Variants in PDE9A observed in about 807,000 individuals in gnomAD.
PDE9A encodes the protein phosphodiesterase 9A.
Under a neutral mutation model 87.4 loss-of-function variants are expected in PDE9A, and 60 were observed. The ratio of observed to expected loss-of-function variants is 0.69; its 90% confidence interval spans 0.56 to 0.85. PDE9A has a LOEUF of 0.85. PDE9A is among the 40% of genes least tolerant of loss of function. The probability of loss-of-function intolerance (pLI) is 0.00; values close to 1 mark genes in which losing one functional copy is unlikely to be tolerated. For missense variants in PDE9A, 665 were observed against 779.0 expected (o/e 0.85, Z 1.74); for synonymous variants, 272 against 279.4 (o/e 0.97, Z 0.27).
At chr21:42,671,210 T>A (rs150179318) in intron 1 of PDE9A, among the ~76,000 whole-genome samples, 4 of 152,234 alleles carry the variant, frequency 2.6e-5, no homozygotes, top group African/African-American at 9.6e-5. Flanking sequence ...GGGACAGGTG[T>A]TGAAGCTGTG....
rs775598444 is a variant in PDE9A, at chr21:42,660,175, G to A, written c.69+6292G>A. ...GGTGACCCAGCAAGCCGCACTCCTG[G>A]GAAATTTCAGAAGGTTTTGGGCAAG... On this transcript the variant is annotated intron_variant, in intron 1 of 19. Transcript: ENST00000291539. This position sits in a 1 kb window ranked among gnomAD's most constrained non-coding sequence, Gnocchi z 4.7. Among the ~76,000 whole-genome samples, 19 of 152,156 alleles carry A rather than the reference G, an allele frequency of 1.2e-4. No homozygotes were observed. The highest frequency in any genetic ancestry group is 2.6e-4 in the Non-Finnish European group (18 of 68,028).
At chr21:42,743,974 C>A in intron 8 of PDE9A, 114 bp downstream of exon 8, 1 of 693,662 alleles carries the variant, frequency 1.4e-6, no homozygotes, top group Non-Finnish European at 2.6e-6. Flanking sequence ...CAGTTCGGTA[C>A]AGTTCAGGCT....
intron 4 of PDE9A, among the ~76,000 whole-genome samples, chr21:42,703,067 G>A (rs1006894537): frequency 1.3e-5 from 2 of 152,222 alleles, no homozygotes; most frequent in African/African-American, 4.8e-5. Context: ...GAGGTGATGA[G>A]GAGCGCAGGT....
chr21:42,774,764 C>A (rs2057352626), intron 19 of PDE9A, among the ~76,000 whole-genome samples: 4 of 151,132 alleles, frequency 2.6e-5, no homozygotes, highest in Admixed American at 2.6e-4. Context: ...CACCTGTAAT[C>A]CCAGCTACTT....
At chr21:42,729,620 C>G (rs1427251992) in intron 4 of PDE9A, among the ~76,000 whole-genome samples, 1 of 152,144 alleles carries the variant, frequency 6.6e-6, no homozygotes, top group African/African-American at 2.4e-5. Context: ...TTCCTCTCTT[C>G]AAATGAAAGC....
At position 42,775,410 on chromosome 21, in the gene PDE9A, C is replaced by T; in HGVS notation, c.*117C>T. 1 of 738,744 alleles carries T rather than the reference C, an allele frequency of 1.4e-6. No homozygotes were observed. Among genetic ancestry groups the T allele is most frequent in the East Asian group, 2.9e-5 (1 of 34,094 alleles). The allele number at this position is 738,744 out of a possible 1,614,324, so 45.8% of individuals were successfully genotyped here. ...CCACAAGACCATGTTTTCTAAGAACCATTTTGTTCACTGATACAAAAAAAA... is the reference window on the plus strand; with the variant it reads ...CCACAAGACCATGTTTTCTAAGAACTATTTTGTTCACTGATACAAAAAAAA... On this transcript the variant is annotated 3_prime_UTR_variant, in exon 20 of 20. Coordinates refer to ENST00000291539, the MANE Select transcript of PDE9A (RefSeq NM_002606.3).
intron 3 of PDE9A, among the ~76,000 whole-genome samples, chr21:42,690,674 G>C (rs2059775881): frequency 6.6e-6 from 1 of 151,946 alleles, no homozygotes; most frequent in Non-Finnish European, 1.5e-5. Context: ...ACTGAGCTCT[G>C]ACCTCCCTGC....
rs149226341 is a variant in PDE9A, at chr21:42,775,307, C to T, written c.*14C>T. 1.5e-4 allele frequency: 235 copies of T among 1,608,970 alleles called. 2 individuals carry two copies. The East Asian group carries it at 3.8e-3, about 26-fold the overall frequency. On this transcript the variant is annotated 3_prime_UTR_variant, in exon 20 of 20. Transcript: ENST00000291539. ...GACTGTGCCTGAGGAAAGCGGGGGG[C>T]GTGGCTGCAGTTCTGGACGGGCTGG... is the stretch of plus-strand genomic sequence containing the variant.
intron 8 of PDE9A, among the ~76,000 whole-genome samples, chr21:42,745,926 C>T (rs1288852465): frequency 2.0e-5 from 3 of 152,242 alleles, no homozygotes; most frequent in South Asian, 2.1e-4. Context: ...GGAACTCCAC[C>T]GCCCCAAGGG....
intron 17 of PDE9A, among the ~76,000 whole-genome samples, chr21:42,769,473 TGCAGGTACACATGCACACAAGGCAC>T (rs202156672): frequency 0.79 from 102,823 of 130,624 alleles, 40,060 homozygotes; most frequent in Non-Finnish European, 0.83. Context: ...CAAATGTGCA[TGCAGGTACACATGCACACAAGGCAC>T]GCAGGTACAC....
intron 1 of PDE9A, among the ~76,000 whole-genome samples, chr21:42,670,240 C>CAT (rs796446421): frequency 1.5e-4 from 15 of 97,796 alleles, no homozygotes; most frequent in Middle Eastern, 6.2e-3. Flanking sequence ...TACATTCACA[C>CAT]TCATACACAT....
chr21:42,655,268 C>A (rs1489789061), intron 1 of PDE9A, among the ~76,000 whole-genome samples: 2 of 152,240 alleles, frequency 1.3e-5, no homozygotes, highest in African/African-American at 4.8e-5. Context: ...TATCAAAGAC[C>A]TGCCTTTAAA....
intron 18 of PDE9A, 25 bp downstream of exon 18, chr21:42,770,823 C>T: frequency 6.3e-7 from 1 of 1,577,726 alleles, no homozygotes; most frequent in South Asian, 1.1e-5. Context: ...GAAGAGCCTG[C>T]CTTCCTTGCG....
chr21:42,709,251 A>G lies in PDE9A; in HGVS notation c.262+10240A>G, dbSNP rs960223762. 3.3e-5 allele frequency among the ~76,000 whole-genome samples: 5 copies of G among 152,160 alleles called. No individual in the cohort carries two copies. The East Asian group carries it at 9.6e-4, about 29-fold the overall frequency. On this transcript the variant is annotated intron_variant, in intron 4 of 19. Coordinates refer to ENST00000291539, the MANE Select transcript of PDE9A (RefSeq NM_002606.3). ...CTCACTTATAAGTGGGAGCTGGACA[A>G]TGAGAACACATGGACACAGGGAGGG...
chr21:42,753,861 CAAAAAAAA>C (rs57957426), intron 9 of PDE9A, 121 bp from the exon 10 acceptor site: 13 of 431,854 alleles, frequency 3.0e-5, no homozygotes, highest in African/African-American at 5.3e-5. Context: ...GACTCTATCT[CAAAAAAAA>C]AAAAAAAAAG....
intron 4 of PDE9A, among the ~76,000 whole-genome samples, chr21:42,701,430 CTT>C (rs78233841): frequency 7.0e-6 from 1 of 142,522 alleles, no homozygotes. Context: ...TGCTGTTTTG[CTT>C]TTTTTTTTTT....
intron 17 of PDE9A, among the ~76,000 whole-genome samples, chr21:42,769,378 G>A (rs1297684723): frequency 3.6e-5 from 5 of 140,218 alleles, no homozygotes; most frequent in African/African-American, 1.4e-4. Flanking sequence ...TGTGCACACA[G>A]GTACACAGGC....
intron 6 of PDE9A, 140 bp from the exon 7 acceptor site, chr21:42,733,216 G>A (rs905271132): frequency 2.9e-5 from 18 of 624,170 alleles, no homozygotes; most frequent in African/African-American, 2.6e-4. Context: ...CTAGCATGTT[G>A]GCACCTCAGA....
In PDE9A at chr21:42,760,787, G is replaced by A. The variant is rs1215357135; in HGVS notation, c.1003-38G>A. 8.6e-7 allele frequency: 1 copy of A among 1,168,888 alleles called. No individual in the cohort carries two copies. The highest frequency in any genetic ancestry group is 1.3e-6 in the Non-Finnish European group (1 of 776,674). 72.4% of individuals were successfully genotyped at this position (1,168,888 alleles called of 1,614,324 possible). A position where few individuals can be genotyped will look rare whatever the true frequency, so the allele number is the denominator to read the frequency against. ...CCTCACCCCATCCCACCCTCCGAGT[G>A]AAGAGAGCAAACACCTACGCCCTGT... On this transcript the variant is annotated intron_variant, in intron 12 of 19. Coordinates refer to ENST00000291539, the MANE Select transcript of PDE9A (RefSeq NM_002606.3). The surrounding 1 kb of genome is among the most constrained non-coding windows in gnomAD (Gnocchi z 5.2).
Sources: gnomAD v4.1 joint callset for allele counts (sites outside exome capture counted in the v4.1 genomes callset) on GRCh38, gnomAD v4.1.1 for gene constraint, Gnocchi (gnomAD v3.1) non-coding constraint, MANE v1.5 for transcripts, NCBI Gene and HGNC (gene_info 2026-07-23, HGNC 2026-07-21) for gene names.